Variants in SHANK2 observed in about 807,000 individuals in gnomAD.
The protein encoded by SHANK2 is SH3 and multiple ankyrin repeat domains protein 2.
SHANK2 carries 43 observed loss-of-function variants against 133.7 expected under a neutral mutation model. The observed-to-expected ratio is 0.32, with a 90% CI of 0.25 to 0.41. The LOEUF is 0.41. Ranked by LOEUF, SHANK2 falls within the 10% of genes least tolerant of loss-of-function variation. SHANK2 has a pLI of 1.00. For synonymous variants in SHANK2, 1,017 were observed against 952.8 expected, an observed-to-expected ratio of 1.07 and a Z score of -1.24; for missense variants, 1,994 against 2,235.8, an observed-to-expected ratio of 0.89 and a Z score of 2.18.
At chr11:71,102,409 T>C (rs1951729423) in intron 6 of SHANK2, among the ~76,000 whole-genome samples, 1 of 152,168 alleles carries the variant, frequency 6.6e-6, no homozygotes. Context: ...GCTAGAGGGC[T>C]GCTTCCCTCC....
At chr11:71,059,032 C>T (rs1450085152) in intron 9 of SHANK2, among the ~76,000 whole-genome samples, 6 of 152,130 alleles carry the variant, frequency 3.9e-5, no homozygotes, top group African/African-American at 1.4e-4. Flanking sequence ...CTGGCAACAA[C>T]ATGGTGAAAC....
chr11:70,498,395 G>A lies in SHANK2; in HGVS notation c.2308+2175C>T, dbSNP rs148752067. Among the ~76,000 whole-genome samples the A allele has an allele frequency of 4.9e-3, 753 of 152,334 alleles. 8 individuals carry two copies. The highest frequency in any genetic ancestry group is 0.017 in the African/African-American group (723 of 41,572). Reference sequence around the variant, plus strand: ...GTGGGAAGGGTGTGCTTGGACCCTGGTGGACTGGTCCTGGCCTGCAGGCTC... The same window carrying A: ...GTGGGAAGGGTGTGCTTGGACCCTGATGGACTGGTCCTGGCCTGCAGGCTC... On this transcript the variant is annotated intron_variant, in intron 21 of 25. Coordinates refer to ENST00000601538, the MANE Select transcript of SHANK2 (RefSeq NM_012309.5).
At chr11:70,865,213 T>A (rs1949333951) in intron 11 of SHANK2, 1 of 152,214 alleles carries the variant, frequency 6.6e-6, no homozygotes, top group South Asian at 2.1e-4. Context: ...GTCCTTATGA[T>A]ACCCGTGAGA....
intron 14 of SHANK2, among the ~76,000 whole-genome samples, chr11:70,786,861 C>A (rs1016163413): frequency 6.6e-6 from 1 of 152,286 alleles, no homozygotes; most frequent in East Asian, 1.9e-4. Flanking sequence ...CCATCACCAC[C>A]AGCATCATTG....
intron 17 of SHANK2, among the ~76,000 whole-genome samples, chr11:70,636,747 CAT>C (rs2061103290): frequency 8.2e-6 from 1 of 121,266 alleles, no homozygotes; most frequent in African/African-American, 3.6e-5. Flanking sequence ...TATGTGTGAG[CAT>C]GTGTGTGAGC....
rs558179859 is a variant in SHANK2, at chr11:71,092,442, C to A, written c.892G>T (p.Gly298Cys). Reference sequence around the variant, plus strand: ...CGTACCTGGTGGATCTCGTGCCAGCCGTTCTCATCTTTGCAGCACACAGTG... The same window carrying A: ...CGTACCTGGTGGATCTCGTGCCAGCAGTTCTCATCTTTGCAGCACACAGTG... Reference protein sequence around the residue: ...HATVCCKDENGWHEIHQACRY... With the variant: ...HATVCCKDENCWHEIHQACRY... Residue 298 changes from glycine (G) to cysteine (C), a missense_variant, in exon 8 of 26, where the codon GGC becomes TGC. Physicochemically the swap from Gly to Cys is radical, Grantham distance 159. Coordinates refer to ENST00000601538, the MANE Select transcript of SHANK2 (RefSeq NM_012309.5). 2.1e-5 allele frequency: 32 copies of A among 1,551,252 alleles called. No homozygotes were observed. The Admixed American group carries it at 3.1e-4, about 15-fold the overall frequency.
chr11:70,785,559 C>G (rs1440757799), intron 14 of SHANK2, among the ~76,000 whole-genome samples: 1 of 152,248 alleles, frequency 6.6e-6, no homozygotes, highest in Non-Finnish European at 1.5e-5. Flanking sequence ...GGAGAGGAGT[C>G]TGTTCCCAGT....
In SHANK2 at chr11:70,807,284, A is replaced by G; in HGVS notation, c.1494-113T>C. ...CGCATGCTGCGCCTCGGCTGGCCGCATCAGAACTCCTGATGCCAGACAGGA... is the reference window on the plus strand; with the variant it reads ...CGCATGCTGCGCCTCGGCTGGCCGCGTCAGAACTCCTGATGCCAGACAGGA... On this transcript the variant is annotated intron_variant, in intron 12 of 25. Coordinates refer to ENST00000601538, the MANE Select transcript of SHANK2 (RefSeq NM_012309.5). This position sits in a 1 kb window ranked among gnomAD's most constrained non-coding sequence, Gnocchi z 4.8. 2 of 662,302 alleles carry G rather than the reference A, an allele frequency of 3.0e-6. No homozygotes were observed. The highest frequency in any genetic ancestry group is 5.4e-6 in the Non-Finnish European group (2 of 368,978). 41.0% of individuals were successfully genotyped at this position (662,302 alleles called of 1,614,324 possible).
intron 17 of SHANK2, among the ~76,000 whole-genome samples, chr11:70,618,926 G>C (rs1160651131): frequency 6.6e-5 from 10 of 152,188 alleles, no homozygotes; most frequent in African/African-American, 2.4e-4. Flanking sequence ...TCTGGGACAG[G>C]GGACACACAG....
chr11:70,511,749 G>T (rs2059207312), intron 17 of SHANK2, among the ~76,000 whole-genome samples: 2 of 152,242 alleles, frequency 1.3e-5, no homozygotes, highest in Non-Finnish European at 2.9e-5. Context: ...GTGAATCACA[G>T]CCACATCCAG....
At chr11:70,605,633 G>C (rs1458413985) in intron 17 of SHANK2, among the ~76,000 whole-genome samples, 1 of 152,250 alleles carries the variant, frequency 6.6e-6, no homozygotes, top group Non-Finnish European at 1.5e-5. Context: ...CGCACGGGGA[G>C]CATGTCCATA....
intron 11 of SHANK2, among the ~76,000 whole-genome samples, chr11:70,893,167 A>T (rs984608354): frequency 6.6e-6 from 1 of 152,230 alleles, no homozygotes; most frequent in Non-Finnish European, 1.5e-5. Context: ...GGCCTGTAGT[A>T]CTTGGTAAGT....
intron 2 of SHANK2, among the ~76,000 whole-genome samples, chr11:71,184,778 G>A (rs1324032657): frequency 2.0e-5 from 3 of 152,122 alleles, no homozygotes; most frequent in Admixed American, 2.0e-4. Context: ...GAACATTCTG[G>A]GTCAGCATGT....
intron 8 of SHANK2, among the ~76,000 whole-genome samples, chr11:71,089,751 G>A (rs1951474467): frequency 6.6e-6 from 1 of 152,218 alleles, no homozygotes; most frequent in South Asian, 2.1e-4. Flanking sequence ...AGACACAAAT[G>A]AGGAGGGGGC....
At chr11:71,172,663 G>C (rs1281738552) in intron 2 of SHANK2, among the ~76,000 whole-genome samples, 1 of 151,912 alleles carries the variant, frequency 6.6e-6, no homozygotes, top group Non-Finnish European at 1.5e-5. Context: ...GCATCTTCCC[G>C]TGTTTCCAAT....
chr11:71,147,026 C>A, intron 3 of SHANK2, 94 bp downstream of exon 3: 2 of 1,082,114 alleles, frequency 1.8e-6, no homozygotes, highest in South Asian at 3.2e-5. Flanking sequence ...CAGTCAGGAC[C>A]GTGGGTCCGG....
rs554768348 is a variant in SHANK2 at position 71,095,229 on chromosome 11, G to A, written c.593-541C>T. Among the ~76,000 whole-genome samples, 21 of 152,302 alleles carry A rather than the reference G, an allele frequency of 1.4e-4. No individual in the cohort carries two copies. In the East Asian group the frequency reaches 1.5e-3, roughly 11 times the overall value. On this transcript the variant is annotated intron_variant, in intron 6 of 25. Transcript: ENST00000601538. The stretch of plus-strand genomic sequence containing the variant: ...AGTGGAAACCTTCCTTCATTAACGC[G>A]GCGCAGGATGACCCAGGAGGCAGGG...
intron 11 of SHANK2, among the ~76,000 whole-genome samples, chr11:70,826,261 G>A (rs782080379): frequency 5.9e-5 from 9 of 152,172 alleles, no homozygotes; most frequent in Non-Finnish European, 1.3e-4. Context: ...AGCAGCACAC[G>A]ATAAGGCGAG....
intron 17 of SHANK2, among the ~76,000 whole-genome samples, chr11:70,534,407 C>T (rs1296652534): frequency 2.6e-5 from 4 of 152,228 alleles, no homozygotes; most frequent in African/African-American, 9.6e-5. Context: ...CCTCCCACAA[C>T]ACATGGGGAT....
Sources: allele counts gnomAD v4.1 joint callset (sites outside exome capture counted in the v4.1 genomes callset), GRCh38; gene constraint gnomAD v4.1.1; non-coding constraint Gnocchi (gnomAD v3.1); transcripts MANE v1.5; gene names NCBI Gene and HGNC (gene_info 2026-07-23, HGNC 2026-07-21).